The following SAMD5 variants were observed in gnomAD, a reference collection of about 807,000 sequenced individuals.
The protein encoded by SAMD5 is sterile alpha motif domain containing 5, also known as sterile alpha motif domain-containing protein 5.
Under a neutral mutation model 11.3 loss-of-function variants are expected in SAMD5, and 13 were observed. That is an observed-to-expected ratio of 1.15 (90% CI 0.75 to 1.83). The LOEUF (loss-of-function observed/expected upper bound fraction) is 1.83. Among genes scored for constraint, SAMD5 ranks in the 40% most tolerant of loss-of-function variants. The pLI, the probability that SAMD5 is intolerant of heterozygous loss-of-function variation, is 0.00. For synonymous variants in SAMD5, 129 were observed against 111.3 expected, an observed-to-expected ratio of 1.16 and a Z score of -1.00; for missense variants, 255 against 239.1, an observed-to-expected ratio of 1.07 and a Z score of -0.44.
intron 1 of SAMD5, among the ~76,000 whole-genome samples, chr6:147,529,266 G>C (rs1222488780): frequency 2.0e-5 from 3 of 152,106 alleles, no homozygotes; most frequent in Non-Finnish European, 4.4e-5. Context: ...GTTTTCATAG[G>C]TTGGCAATCA....
chr6:147,610,031 C>G (rs549211865), intron 1 of SAMD5, among the ~76,000 whole-genome samples: 1 of 152,236 alleles, frequency 6.6e-6, no homozygotes, highest in East Asian at 1.9e-4. Context: ...TAGCCACGAA[C>G]CAAGTATGAA....
At chr6:147,580,658 A>G (rs1789284167) in intron 1 of SAMD5, among the ~76,000 whole-genome samples, 1 of 152,210 alleles carries the variant, frequency 6.6e-6, no homozygotes, top group Admixed American at 6.5e-5. Context: ...TTAAATAGTC[A>G]TGTATGGCCA....
chr6:147,783,807 C>T, the SAMD5 span, among the ~76,000 whole-genome samples: 11 of 152,138 alleles, frequency 7.2e-5, no homozygotes, highest in Admixed American at 7.2e-4. Flanking sequence ...TCATTTCCTC[C>T]TAGGAAAAAT....
chr6:147,874,261 A>G, the SAMD5 span, among the ~76,000 whole-genome samples: 1 of 152,208 alleles, frequency 6.6e-6, no homozygotes, highest in Non-Finnish European at 1.5e-5. Flanking sequence ...CCCATTTCAT[A>G]TTAGATCTTA....
chr6:147,573,280 A>G (rs1468358685), downstream of SAMD5, among the ~76,000 whole-genome samples: 2 of 150,722 alleles, frequency 1.3e-5, no homozygotes, highest in Non-Finnish European at 3.0e-5. Flanking sequence ...ATTGACTCAC[A>G]GTTCCACATG....
At chr6:147,822,025 C>G in the SAMD5 span, among the ~76,000 whole-genome samples, 1 of 152,108 alleles carries the variant, frequency 6.6e-6, no homozygotes, top group Non-Finnish European at 1.5e-5. Context: ...AATGCATTAT[C>G]TAATATTATT....
At chr6:147,680,905 C>T (rs1252673307) in intron 1 of SAMD5, among the ~76,000 whole-genome samples, 4 of 152,052 alleles carry the variant, frequency 2.6e-5, no homozygotes, top group Non-Finnish European at 4.4e-5. Flanking sequence ...GCTAAAGTTT[C>T]GTTACATAGT....
intron 1 of SAMD5, among the ~76,000 whole-genome samples, chr6:147,674,209 G>A (rs1790832989): frequency 6.6e-6 from 1 of 152,140 alleles, no homozygotes; most frequent in Non-Finnish European, 1.5e-5. Context: ...AGTTTGGTTG[G>A]AAAAACAAGA....
intron 1 of SAMD5, among the ~76,000 whole-genome samples, chr6:147,728,977 T>A (rs981892925): frequency 6.6e-6 from 1 of 152,248 alleles, no homozygotes; most frequent in South Asian, 2.1e-4. Context: ...AACAATATGC[T>A]ACAAACTGGG....
chr6:147,736,975 T>G (rs1235349084), intron 1 of SAMD5, among the ~76,000 whole-genome samples: 21 of 152,120 alleles, frequency 1.4e-4, no homozygotes, highest in Admixed American at 1.4e-3. Context: ...TTCTTTATGA[T>G]TATAGTAGTG....
At chr6:147,779,497 CTTT>C in the SAMD5 span, among the ~76,000 whole-genome samples, 17 of 140,844 alleles carry the variant, frequency 1.2e-4, no homozygotes, top group African/African-American at 1.3e-4. Context: ...TGAAGTCATC[CTTT>C]TTTTTTTTTT....
At chr6:147,600,007 C>G (rs959155713) in intron 1 of SAMD5, among the ~76,000 whole-genome samples, 1 of 152,040 alleles carries the variant, frequency 6.6e-6, no homozygotes, top group Non-Finnish European at 1.5e-5. Flanking sequence ...TGTGTGGGAC[C>G]AGTCGTGGTC....
chr6:147,540,779 G>T (rs527800627), intron 1 of SAMD5, among the ~76,000 whole-genome samples: 110 of 152,010 alleles, frequency 7.2e-4, no homozygotes, highest in Non-Finnish European at 1.2e-3. Context: ...GAGAGAGAGG[G>T]GGGGGGTCCA....
the SAMD5 span, among the ~76,000 whole-genome samples, chr6:147,897,475 C>G: frequency 6.6e-6 from 1 of 152,030 alleles, no homozygotes; most frequent in Non-Finnish European, 1.5e-5. Flanking sequence ...CATTTCTAGC[C>G]GTAACAGCAG....
intron 1 of SAMD5, among the ~76,000 whole-genome samples, chr6:147,615,645 G>A (rs2050185): frequency 0.68 from 103,970 of 152,086 alleles, 36,063 homozygotes; most frequent in African/African-American, 0.79. Flanking sequence ...CTCCAGAAAT[G>A]GCTGAAGAAT....
chr6:147,513,468 G>A (rs572533181), intron 1 of SAMD5, among the ~76,000 whole-genome samples: 88 of 152,306 alleles, frequency 5.8e-4, no homozygotes, highest in Admixed American at 2.6e-3. Context: ...GGAGAACAGC[G>A]AGTTTGGGCG....
At chr6:147,855,916 A>G in the SAMD5 span, among the ~76,000 whole-genome samples, 1 of 152,226 alleles carries the variant, frequency 6.6e-6, no homozygotes, top group African/African-American at 2.4e-5. Flanking sequence ...CAGTCATTCC[A>G]CTACAAGATA....
At chr6:147,729,271 T>C (rs1791674626) in intron 1 of SAMD5, among the ~76,000 whole-genome samples, 1 of 152,202 alleles carries the variant, frequency 6.6e-6, no homozygotes, top group Non-Finnish European at 1.5e-5. Flanking sequence ...AAAGTCACAT[T>C]TGGGGCTAGG....
At chr6:147,791,228 G>A in the SAMD5 span, among the ~76,000 whole-genome samples, 2 of 152,212 alleles carry the variant, frequency 1.3e-5, no homozygotes, top group East Asian at 3.9e-4. Flanking sequence ...CCGGGAGGCA[G>A]AGGTTGCAGT....
Sources: gnomAD v4.1 joint callset for allele counts (sites outside exome capture counted in the v4.1 genomes callset) on GRCh38, gnomAD v4.1.1 for gene constraint, MANE v1.5 for transcripts, NCBI Gene and HGNC (gene_info 2026-07-23, HGNC 2026-07-21) for gene names.